Variants in TTC7B observed in about 807,000 individuals in gnomAD.
TTC7B encodes tetratricopeptide repeat protein 7B.
Under a neutral mutation model 106.8 loss-of-function variants are expected in TTC7B, and 28 were observed. The ratio of observed to expected loss-of-function variants is 0.26; its 90% CI spans 0.19 to 0.36. The LOEUF is 0.36. TTC7B is among the 10% of genes least tolerant of loss of function. The probability of loss-of-function intolerance (pLI) is 1.00; values close to 1 mark genes in which losing one functional copy is unlikely to be tolerated. For synonymous variants in TTC7B, 405 were observed against 430.6 expected (o/e 0.94, Z 0.74); for missense variants, 862 against 1,076.4 (o/e 0.80, Z 2.79).
intron 15 of TTC7B, among the ~76,000 whole-genome samples, chr14:90,635,390 TA>T (rs962013482): frequency 2.0e-5 from 3 of 152,120 alleles, no homozygotes; most frequent in African/African-American, 7.2e-5. Flanking sequence ...GACACAAATA[TA>T]AATATGTCAG....
In TTC7B at chr14:90,655,082, G is replaced by C; in HGVS notation, c.1370C>G (p.Thr457Ser). 1.2e-6 allele frequency: 2 copies of C among 1,614,136 alleles called. No homozygotes were observed. Among genetic ancestry groups the C allele is most frequent in the Non-Finnish European group, 1.7e-6 (2 of 1,179,978 alleles). ...WLEEAEKFAK[T>S]VVDVGEKTSE... Reference sequence around the variant, plus strand: ...CGTTTTCTCTCCCACATCAACGACAGTTTTGGCAAACTTTTCAGCCTCTTC... The same window carrying C: ...CGTTTTCTCTCCCACATCAACGACACTTTTGGCAAACTTTTCAGCCTCTTC... Residue 457 changes from threonine to serine, a missense_variant, in exon 12 of 20, where the codon ACT becomes AGT. Transcript: ENST00000328459.
At chr14:90,814,423 C>T (rs2031066136) in intron 1 of TTC7B, among the ~76,000 whole-genome samples, 3 of 152,136 alleles carry the variant, frequency 2.0e-5, no homozygotes, top group Admixed American at 1.3e-4. Flanking sequence ...TCCATATTTG[C>T]TTATCACCTG....
intron 5 of TTC7B, among the ~76,000 whole-genome samples, chr14:90,728,224 G>A (rs1394285618): frequency 6.6e-6 from 1 of 151,288 alleles, no homozygotes; most frequent in East Asian, 1.9e-4. Context: ...AGGGCTGGGA[G>A]TGGTGGCTCA....
intron 19 of TTC7B, among the ~76,000 whole-genome samples, chr14:90,560,198 G>C (rs1890511969): frequency 6.6e-6 from 1 of 152,234 alleles, no homozygotes; most frequent in Admixed American, 6.5e-5. Context: ...CTGCCTCTCT[G>C]AAAGAGAAAA....
intron 19 of TTC7B, among the ~76,000 whole-genome samples, chr14:90,568,629 A>C (rs1174298736): frequency 6.6e-6 from 1 of 152,226 alleles, no homozygotes; most frequent in Non-Finnish European, 1.5e-5. Context: ...CGGTGAGGAC[A>C]GGGTGGCCTG....
chr14:90,662,459 G>A (rs1033365148), intron 9 of TTC7B, among the ~76,000 whole-genome samples: 9 of 152,294 alleles, frequency 5.9e-5, no homozygotes, highest in Middle Eastern at 3.4e-3. Flanking sequence ...CCGAAGGTAC[G>A]CCCATTCAAA....
At chr14:90,633,541 G>T (rs980576373) in intron 15 of TTC7B, among the ~76,000 whole-genome samples, 1 of 152,086 alleles carries the variant, frequency 6.6e-6, no homozygotes, top group African/African-American at 2.4e-5. Flanking sequence ...ACAACAAACT[G>T]TCAGTTCTTA....
At chr14:90,701,150 G>A (rs773977825) in intron 5 of TTC7B, among the ~76,000 whole-genome samples, 34 of 152,080 alleles carry the variant, frequency 2.2e-4, no homozygotes, top group African/African-American at 6.8e-4. Context: ...ATATAGTGAC[G>A]GAGGGTGTGA....
intron 3 of TTC7B, among the ~76,000 whole-genome samples, chr14:90,754,301 T>G (rs980574122): frequency 6.6e-6 from 1 of 152,208 alleles, no homozygotes; most frequent in African/African-American, 2.4e-5. Context: ...GTCTCTATGA[T>G]GTATCTGTCT....
intron 5 of TTC7B, among the ~76,000 whole-genome samples, chr14:90,713,212 T>C (rs1006715472): frequency 7.2e-5 from 11 of 151,980 alleles, no homozygotes; most frequent in African/African-American, 2.7e-4. Flanking sequence ...ACCTCCCAGG[T>C]TCAAGCAATT....
intron 3 of TTC7B, among the ~76,000 whole-genome samples, chr14:90,756,381 T>TTG (rs1890296829): frequency 2.6e-5 from 1 of 39,068 alleles, no homozygotes; most frequent in African/African-American, 6.5e-5. Context: ...TCTTTTTTTT[T>TTG]TTGTTTTTTT....
In TTC7B at chr14:90,574,622, C is replaced by T. The variant is rs550466937; in HGVS notation, c.2310+3484G>A. Reference sequence around the variant, plus strand: ...TACTAAAGTCACTCTTGCTTTTTAACAATACTAACAGGTTTGCATTTCTGC... The same window carrying T: ...TACTAAAGTCACTCTTGCTTTTTAATAATACTAACAGGTTTGCATTTCTGC... On this transcript the variant is annotated intron_variant, in intron 19 of 19. Coordinates refer to ENST00000328459, the MANE Select transcript of TTC7B (RefSeq NM_001010854.2). 4.6e-5 allele frequency among the ~76,000 whole-genome samples: 7 copies of T among 152,352 alleles called. No homozygotes were observed. In the East Asian group the frequency reaches 1.3e-3, roughly 29 times the overall value.
chr14:90,637,201 C>G (rs1263193268), intron 15 of TTC7B, among the ~76,000 whole-genome samples: 3 of 151,312 alleles, frequency 2.0e-5, no homozygotes, highest in African/African-American at 7.3e-5. Flanking sequence ...AAAACTTAAC[C>G]AACAAATGCC....
intron 18 of TTC7B, among the ~76,000 whole-genome samples, chr14:90,591,775 G>A (rs1891970899): frequency 6.6e-6 from 1 of 152,216 alleles, no homozygotes; most frequent in African/African-American, 2.4e-5. Flanking sequence ...CTCTGTAGTT[G>A]TTGTTCATGG....
intron 19 of TTC7B, among the ~76,000 whole-genome samples, chr14:90,554,189 C>T (rs1188269135): frequency 2.6e-5 from 4 of 152,198 alleles, no homozygotes; most frequent in Non-Finnish European, 5.9e-5. Flanking sequence ...GTGGGACATC[C>T]GGAGACGGAC....
At position 90,786,202 on chromosome 14, in the gene TTC7B, G is replaced by C; in HGVS notation, c.248C>G (p.Thr83Ser). Residue 83 changes from threonine (T) to serine (S), a missense_variant, in exon 2 of 20, where the codon ACC becomes AGC. Thr to Ser is a moderately conservative substitution (Grantham distance 58). Coordinates refer to ENST00000328459, the MANE Select transcript of TTC7B (RefSeq NM_001010854.2). ...AAGGTTCCCTCGGTCCAGGGCGGCGGTCAGATGCTTGCGGACCTCAGTCAG... is the reference window on the plus strand; with the variant it reads ...AAGGTTCCCTCGGTCCAGGGCGGCGCTCAGATGCTTGCGGACCTCAGTCAG... ...PQLTEVRKHLTAALDRGNLKS... is the reference protein window; with the variant it reads ...PQLTEVRKHLSAALDRGNLKS... 11 of 1,590,282 alleles carry C rather than the reference G, an allele frequency of 6.9e-6. No individual in the cohort carries two copies. The highest frequency in any genetic ancestry group is 9.4e-6 in the Non-Finnish European group (11 of 1,170,022).
At chr14:90,563,882 A>G (rs1311199658) in intron 19 of TTC7B, among the ~76,000 whole-genome samples, 1 of 152,212 alleles carries the variant, frequency 6.6e-6, no homozygotes, top group African/African-American at 2.4e-5. Context: ...ATGAGACTGC[A>G]GTAATTCAGT....
intron 3 of TTC7B, among the ~76,000 whole-genome samples, chr14:90,768,614 A>G (rs1449909066): frequency 6.6e-6 from 1 of 152,238 alleles, no homozygotes; most frequent in Non-Finnish European, 1.5e-5. Flanking sequence ...GCTATCCTTC[A>G]AAAGTGAGAG....
At chr14:90,681,106 A>C (rs1241882266) in intron 7 of TTC7B, among the ~76,000 whole-genome samples, 1 of 152,220 alleles carries the variant, frequency 6.6e-6, no homozygotes, top group African/African-American at 2.4e-5. Context: ...AATTTGGCTG[A>C]ACTCCTAAAT....
Sources: allele counts gnomAD v4.1 joint callset (sites outside exome capture counted in the v4.1 genomes callset), GRCh38; gene constraint gnomAD v4.1.1; transcripts MANE v1.5; gene names NCBI Gene and HGNC (gene_info 2026-07-23, HGNC 2026-07-21).